The following MGAT4C variants were observed in gnomAD, a reference collection of about 807,000 sequenced individuals.
MGAT4C encodes the protein MGAT4 family member C.
MGAT4C carries 19 observed loss-of-function variants against 40.1 expected under a neutral mutation model. The ratio of observed to expected loss-of-function variants is 0.47; its 90% CI spans 0.33 to 0.70. The LOEUF (loss-of-function observed/expected upper bound fraction) is 0.70. Among genes scored for constraint, MGAT4C ranks in the 30% least tolerant of loss-of-function variants. MGAT4C has a pLI of 0.02. For synonymous variants in MGAT4C, 181 were observed against 187.1 expected (o/e 0.97, Z 0.27); for missense variants, 491 against 563.2 (o/e 0.87, Z 1.30).
intron 1 of MGAT4C, among the ~76,000 whole-genome samples, chr12:86,809,724 C>A (rs1211762078): frequency 6.6e-6 from 1 of 151,906 alleles, no homozygotes; most frequent in East Asian, 1.9e-4. Context: ...GCTTGTTTGG[C>A]TGTTGAATTT....
intron 2 of MGAT4C, among the ~76,000 whole-genome samples, chr12:86,044,448 T>C (rs1892191690): frequency 6.6e-6 from 1 of 152,148 alleles, no homozygotes; most frequent in African/African-American, 2.4e-5. Context: ...GTGCACATGT[T>C]TGCTCTGTGG....
chr12:86,109,673 C>A (rs193140079), intron 1 of MGAT4C, among the ~76,000 whole-genome samples: 1 of 151,764 alleles, frequency 6.6e-6, no homozygotes, highest in Non-Finnish European at 1.5e-5. Context: ...AAGGAGAATG[C>A]AAGTTATATT....
chr12:86,462,762 A>G (rs1957620766), intron 2 of MGAT4C, among the ~76,000 whole-genome samples: 1 of 152,200 alleles, frequency 6.6e-6, no homozygotes, highest in Admixed American at 6.5e-5. Context: ...GAGTGCAAGA[A>G]GCAGCCATTA....
rs571502928 is a variant in MGAT4C, at chr12:86,355,878, CCTTAAA to C, written c.-119-21757_-119-21752del. Among the ~76,000 whole-genome samples the C allele has an allele frequency of 1.4e-3, 213 of 152,022 alleles. 3 individuals carry two copies. The highest frequency in any genetic ancestry group is 4.8e-3 in the African/African-American group (201 of 41,492). On this transcript the variant is annotated intron_variant, in intron 3 of 7. Transcript: ENST00000548651. ...AGGCTGTATTTTGCCTCTGTACGTT[CCTTAAA>C]CTTAATTTTATAACTTTGCTGTTAT...
At chr12:86,487,322 T>C (rs1229349542) in intron 2 of MGAT4C, among the ~76,000 whole-genome samples, 1 of 152,180 alleles carries the variant, frequency 6.6e-6, no homozygotes, top group Admixed American at 6.5e-5. Context: ...TATTCTTTCC[T>C]TGAATGTATC....
At chr12:85,998,509 T>C (rs1472363314) in intron 2 of MGAT4C, among the ~76,000 whole-genome samples, 1 of 152,224 alleles carries the variant, frequency 6.6e-6, no homozygotes, top group Non-Finnish European at 1.5e-5. Flanking sequence ...TAAAACTGAA[T>C]GCCTTTAACA....
intron 3 of MGAT4C, among the ~76,000 whole-genome samples, chr12:86,366,248 T>C (rs1331150923): frequency 6.6e-6 from 1 of 152,238 alleles, no homozygotes; most frequent in African/African-American, 2.4e-5. Flanking sequence ...TTTTGCATCC[T>C]GAAACTTTAC....
At chr12:86,571,530 TAC>T (rs1323417771) in intron 2 of MGAT4C, among the ~76,000 whole-genome samples, 1 of 152,128 alleles carries the variant, frequency 6.6e-6, no homozygotes, top group Non-Finnish European at 1.5e-5. Context: ...GCATTGCTTA[TAC>T]AGTCTTTAAC....
Position 86,281,358 on chromosome 12 carries a change from C to T in MGAT4C, c.-57+52707G>A, listed in dbSNP as rs181322083. Among the ~76,000 whole-genome samples, 266 of 152,024 alleles carry T rather than the reference C, an allele frequency of 1.7e-3. 2 individuals carry two copies. Among genetic ancestry groups the T allele is most frequent in the Non-Finnish European group, 2.7e-3 (185 of 67,956 alleles). On this transcript the variant is annotated intron_variant, in intron 4 of 7. Transcript: ENST00000548651. Reference sequence around the variant, plus strand: ...CTCATTTCCTCCCCCTTTCCTTCCTCTCTCCATCCCTCTCAATATAAAATA... The same window carrying T: ...CTCATTTCCTCCCCCTTTCCTTCCTTTCTCCATCCCTCTCAATATAAAATA...
At chr12:86,324,133 T>C (rs2136165465) in intron 4 of MGAT4C, among the ~76,000 whole-genome samples, 1 of 152,084 alleles carries the variant, frequency 6.6e-6, no homozygotes, top group East Asian at 1.9e-4. Context: ...TTATCTTCAC[T>C]AGTAAAATCT....
intron 1 of MGAT4C, among the ~76,000 whole-genome samples, chr12:86,784,030 A>T (rs555583110): frequency 1.3e-5 from 2 of 152,112 alleles, no homozygotes; most frequent in Non-Finnish European, 2.9e-5. Flanking sequence ...CATGTATATT[A>T]AGGTCTTGAA....
chr12:86,551,155 C>T (rs532262297), intron 2 of MGAT4C, among the ~76,000 whole-genome samples: 197 of 152,354 alleles, frequency 1.3e-3, no homozygotes, highest in African/African-American at 4.5e-3. Flanking sequence ...GGTGAGCATG[C>T]CCCCAGGCCA....
intron 2 of MGAT4C, among the ~76,000 whole-genome samples, chr12:86,689,969 G>A (rs1177184771): frequency 2.0e-5 from 3 of 152,176 alleles, no homozygotes; most frequent in African/African-American, 7.2e-5. Flanking sequence ...TTATCTACAA[G>A]CCCCTGATTG....
chr12:86,709,815 T>C (rs1244391917), intron 2 of MGAT4C, among the ~76,000 whole-genome samples: 4 of 151,628 alleles, frequency 2.6e-5, no homozygotes, highest in Non-Finnish European at 5.9e-5. Flanking sequence ...AGAGATAGTT[T>C]TCTTGTTTTT....
intron 2 of MGAT4C, among the ~76,000 whole-genome samples, chr12:86,669,849 ACC>A (rs1295121065): frequency 6.6e-6 from 1 of 152,190 alleles, no homozygotes; most frequent in Non-Finnish European, 1.5e-5. Flanking sequence ...GCTGGCTCTT[ACC>A]TATAAGTTTC....
chr12:86,147,811 G>T (rs1433114725), intron 1 of MGAT4C, among the ~76,000 whole-genome samples: 1 of 152,140 alleles, frequency 6.6e-6, no homozygotes, highest in Non-Finnish European at 1.5e-5. Context: ...ACTAATATTA[G>T]TAACTTATAG....
chr12:86,353,064 TAA>T (rs537648565), intron 3 of MGAT4C, among the ~76,000 whole-genome samples: 7 of 149,046 alleles, frequency 4.7e-5, no homozygotes, highest in Admixed American at 1.3e-4. Context: ...AAATAAATTA[TAA>T]AAAAAAAGAA....
chr12:86,080,512 G>A (rs187619914), intron 1 of MGAT4C, among the ~76,000 whole-genome samples: 116 of 152,210 alleles, frequency 7.6e-4, no homozygotes, highest in Middle Eastern at 6.8e-3. Context: ...AGCAACAACA[G>A]AAGGAACATA....
intron 1 of MGAT4C, among the ~76,000 whole-genome samples, chr12:86,118,891 C>T (rs183321549): frequency 6.6e-6 from 1 of 151,930 alleles, no homozygotes; most frequent in Non-Finnish European, 1.5e-5. Flanking sequence ...TCATGCTTTT[C>T]CTAATATTTT....
Sources: allele counts gnomAD v4.1 joint callset (sites outside exome capture counted in the v4.1 genomes callset), GRCh38; gene constraint gnomAD v4.1.1; transcripts MANE v1.5; gene names NCBI Gene and HGNC (gene_info 2026-07-23, HGNC 2026-07-21).